Variants in PRIM2 observed in about 807,000 individuals in gnomAD.
The protein encoded by PRIM2 is DNA primase large subunit.
Under a neutral mutation model 67.3 loss-of-function variants are expected in PRIM2, and 39 were observed. The observed-to-expected ratio is 0.58, with a 90% CI of 0.45 to 0.76. PRIM2 has a LOEUF of 0.76. PRIM2 is among the 30% of genes least tolerant of loss of function. The pLI is 0.00. For synonymous variants in PRIM2, 143 were observed against 198.7 expected, an observed-to-expected ratio of 0.72 and a Z score of 2.36; for missense variants, 398 against 598.7, an observed-to-expected ratio of 0.66 and a Z score of 3.50.
chr6:57,534,885 G>T (rs2127469190), intron 9 of PRIM2, among the ~76,000 whole-genome samples: 1 of 152,158 alleles, frequency 6.6e-6, no homozygotes, highest in African/African-American at 2.4e-5. Flanking sequence ...CCTCAAAAAG[G>T]CTTCCCTGGC....
At chr6:57,221,956 A>T in the PRIM2 span, 3 of 152,364 alleles carry the variant, frequency 2.0e-5, no homozygotes, top group South Asian at 2.1e-4. Flanking sequence ...AGCCGGACGA[A>T]CCCCCAGCCC....
At chr6:57,632,448 C>T (rs1437128708) in intron 13 of PRIM2, among the ~76,000 whole-genome samples, 1 of 152,178 alleles carries the variant, frequency 6.6e-6, no homozygotes, top group Non-Finnish European at 1.5e-5. Flanking sequence ...ACAGTTGTCA[C>T]CCACCACTCC....
At chr6:57,611,139 A>G (rs1322345081) in intron 12 of PRIM2, among the ~76,000 whole-genome samples, 1 of 152,240 alleles carries the variant, frequency 6.6e-6, no homozygotes. Flanking sequence ...TACTAACTCA[A>G]TATACAAAAA....
chr6:57,252,448 CT>C, the PRIM2 span, among the ~76,000 whole-genome samples: 14 of 149,306 alleles, frequency 9.4e-5, no homozygotes, highest in South Asian at 2.1e-4. Flanking sequence ...CCTTCTTTTT[CT>C]TTTTTTTTTG....
intron 7 of PRIM2, among the ~76,000 whole-genome samples, chr6:57,410,259 G>T (rs1771039612): frequency 6.6e-6 from 1 of 150,668 alleles, no homozygotes; most frequent in Non-Finnish European, 1.5e-5. Flanking sequence ...GGGAGGCAGA[G>T]GTTGCAGTGA....
chr6:57,321,809 C>CTG (rs1466412332), intron 3 of PRIM2, among the ~76,000 whole-genome samples: 13 of 152,262 alleles, frequency 8.5e-5, no homozygotes, highest in African/African-American at 3.1e-4. Context: ...ATTATCATCC[C>CTG]TATTTTACAG....
chr6:57,290,013 A>G, the PRIM2 span, among the ~76,000 whole-genome samples: 6 of 152,188 alleles, frequency 3.9e-5, no homozygotes, highest in South Asian at 1.2e-3. Context: ...AGACTGGCAA[A>G]CTAAATTGTC....
chr6:57,325,859 A>T, intron 4 of PRIM2, 66 bp from the exon 5 acceptor site: 1 of 1,465,212 alleles, frequency 6.8e-7, no homozygotes, highest in Non-Finnish European at 9.2e-7. Context: ...TGTTTTATAA[A>T]CATTTCTTAG....
chr6:57,419,259 G>C (rs12212301), intron 7 of PRIM2, among the ~76,000 whole-genome samples: 1 of 152,128 alleles, frequency 6.6e-6, no homozygotes, highest in South Asian at 2.1e-4. Context: ...ACTGGTTCTG[G>C]AGAATGGGGT....
At chr6:57,521,375 T>G (rs1327206061) in intron 8 of PRIM2, among the ~76,000 whole-genome samples, 1 of 146,384 alleles carries the variant, frequency 6.8e-6, no homozygotes, top group Non-Finnish European at 1.5e-5. Flanking sequence ...GGGTTTTTTT[T>G]TTTTTTTTTT....
At chr6:57,626,033 T>G (rs1419676219) in intron 12 of PRIM2, among the ~76,000 whole-genome samples, 1 of 152,220 alleles carries the variant, frequency 6.6e-6, no homozygotes, top group African/African-American at 2.4e-5. Flanking sequence ...AGATTGAGTT[T>G]TTTAGGAAGA....
At chr6:57,480,577 C>G (rs1773596093) in intron 7 of PRIM2, among the ~76,000 whole-genome samples, 1 of 152,106 alleles carries the variant, frequency 6.6e-6, no homozygotes, top group Non-Finnish European at 1.5e-5. Context: ...TTCTCCAACT[C>G]CCCACCTCCT....
chr6:57,336,696 G>C (rs963762748), intron 5 of PRIM2, among the ~76,000 whole-genome samples: 6 of 152,180 alleles, frequency 3.9e-5, no homozygotes, highest in Middle Eastern at 3.4e-3. Flanking sequence ...CCCTAAAAGA[G>C]CTCCTGAAGG....
intron 5 of PRIM2, among the ~76,000 whole-genome samples, chr6:57,328,178 T>C (rs185437979): frequency 6.6e-6 from 1 of 152,352 alleles, no homozygotes; most frequent in Admixed American, 6.5e-5. Flanking sequence ...ACATATACTT[T>C]TTTAAATAAT....
the PRIM2 span, among the ~76,000 whole-genome samples, chr6:57,308,213 C>G: frequency 6.6e-6 from 1 of 151,924 alleles, no homozygotes; most frequent in Non-Finnish European, 1.5e-5. Context: ...ATGGCAGCCT[C>G]CCAGCCTCAG....
intron 7 of PRIM2, among the ~76,000 whole-genome samples, chr6:57,410,584 CTCTTCTAGG>C (rs1771055451): frequency 6.6e-6 from 1 of 151,868 alleles, no homozygotes; most frequent in African/African-American, 2.4e-5. Flanking sequence ...ATTGTTTTGG[CTCTTCTAGG>C]TCTTGTAACT....
intron 10 of PRIM2, among the ~76,000 whole-genome samples, chr6:57,551,985 G>A (rs1775413767): frequency 6.6e-6 from 1 of 152,116 alleles, no homozygotes; most frequent in Admixed American, 6.6e-5. Flanking sequence ...GAAGAAACTC[G>A]AGGCAAAGAG....
intron 7 of PRIM2, among the ~76,000 whole-genome samples, chr6:57,399,082 G>A (rs536095656): frequency 5.1e-4 from 77 of 151,900 alleles, no homozygotes; most frequent in African/African-American, 1.7e-3. Flanking sequence ...GGGTACATGT[G>A]TACAACATGC....
chr6:57,555,968 T>A (rs1775507020), intron 10 of PRIM2, among the ~76,000 whole-genome samples: 4 of 152,244 alleles, frequency 2.6e-5, no homozygotes, highest in African/African-American at 7.2e-5. Context: ...TTTATTTTCA[T>A]ATTTATTAAA....
Sources: allele counts gnomAD v4.1 joint callset (sites outside exome capture counted in the v4.1 genomes callset), GRCh38; gene constraint gnomAD v4.1.1; transcripts MANE v1.5; gene names NCBI Gene and HGNC (gene_info 2026-07-23, HGNC 2026-07-21).